Variants in EIF2B3 observed in about 807,000 individuals in gnomAD.
EIF2B3 encodes eukaryotic translation initiation factor 2B subunit gamma.
Under a neutral mutation model 54.1 loss-of-function variants are expected in EIF2B3, and 20 were observed. That is an observed-to-expected ratio of 0.37 (90% CI 0.26 to 0.54). The LOEUF is 0.54. EIF2B3 is among the 20% of genes least tolerant of loss of function. The pLI is 0.86. For synonymous variants in EIF2B3, 153 were observed against 188.1 expected (o/e 0.81, Z 1.52); for missense variants, 448 against 547.8 (o/e 0.82, Z 1.82).
chr1:44,880,057 GA>G, intron 7 of EIF2B3, 49 bp from the exon 8 acceptor site: 1 of 1,585,304 alleles, frequency 6.3e-7, no homozygotes, highest in African/African-American at 1.3e-5. Context: ...AGAGATAACA[GA>G]ACAGATACAG....
At chr1:44,911,528 C>A (rs1380818167) in intron 5 of EIF2B3, among the ~76,000 whole-genome samples, 1 of 152,196 alleles carries the variant, frequency 6.6e-6, no homozygotes, top group Non-Finnish European at 1.5e-5. Flanking sequence ...CATGCCCAAG[C>A]CTTGCTCTCA....
chr1:44,930,340 T>G (rs887922814), intron 4 of EIF2B3, among the ~76,000 whole-genome samples: 23 of 152,216 alleles, frequency 1.5e-4, no homozygotes, highest in Non-Finnish European at 2.2e-4. Flanking sequence ...CAAAATAGTA[T>G]GTCGAGTAGA....
At chr1:44,938,744 C>G (rs1465672699) in intron 4 of EIF2B3, among the ~76,000 whole-genome samples, 2 of 152,052 alleles carry the variant, frequency 1.3e-5, no homozygotes, top group Non-Finnish European at 2.9e-5. Flanking sequence ...GCCTCAGCTT[C>G]CCAAAGTGCT....
Position 44,930,061 on chromosome 1 carries a change from G to A in EIF2B3, c.455-3322C>T, listed in dbSNP as rs116550900. 3.7e-3 allele frequency among the ~76,000 whole-genome samples: 567 copies of A among 152,168 alleles called. 3 individuals carry two copies. The highest frequency in any genetic ancestry group is 0.013 in the African/African-American group (526 of 41,520). On this transcript the variant is annotated intron_variant, in intron 4 of 11. Coordinates refer to ENST00000360403, the MANE Select transcript of EIF2B3 (RefSeq NM_020365.5). ...TGAACTTCTATTAAAAAAAAAGTCC[G>A]TCATATTCAAGTATTCACGTTTTTT...
chr1:44,959,226 T>C, intron 3 of EIF2B3: 1 of 697,826 alleles, frequency 1.4e-6, no homozygotes, highest in Non-Finnish European at 2.6e-6. Flanking sequence ...TACACCTGTT[T>C]AAATCAGGGT....
At chr1:44,965,564 A>G (rs1312362558) in intron 3 of EIF2B3, among the ~76,000 whole-genome samples, 1 of 152,000 alleles carries the variant, frequency 6.6e-6, no homozygotes. Context: ...AATTAGTACT[A>G]AAGTACTAAT....
chr1:44,902,431 C>T (rs1416073130), intron 5 of EIF2B3, among the ~76,000 whole-genome samples: 73 of 151,990 alleles, frequency 4.8e-4, no homozygotes, highest in Admixed American at 4.7e-3. Context: ...GAAGTCGAGG[C>T]TGCAGTGAGC....
intron 5 of EIF2B3, among the ~76,000 whole-genome samples, chr1:44,919,307 G>A (rs781065580): frequency 1.3e-5 from 2 of 151,360 alleles, no homozygotes; most frequent in Admixed American, 6.6e-5. Context: ...CTGAGATCAC[G>A]GCACTGCACT....
rs1361959750 is a variant in EIF2B3 at position 44,950,953 on chromosome 1, TG to T, written c.295-9289del. ...ATCCACCCACCTTGGCCTCCCGAAGTGTTGGGATTACAGGCGTAAGCCACTG... is the reference window on the plus strand; with the variant it reads ...ATCCACCCACCTTGGCCTCCCGAAGTTTGGGATTACAGGCGTAAGCCACTG... On this transcript the variant is annotated intron_variant, in intron 3 of 11. Transcript: ENST00000360403. Among the ~76,000 whole-genome samples, 5 of 152,316 alleles carry T rather than the reference TG, an allele frequency of 3.3e-5. No individual in the cohort carries two copies. The Middle Eastern group carries it at 0.01, about 311-fold the overall frequency.
At chr1:44,922,594 A>G (rs1239234521) in intron 5 of EIF2B3, among the ~76,000 whole-genome samples, 1 of 150,024 alleles carries the variant, frequency 6.7e-6, no homozygotes, top group Non-Finnish European at 1.5e-5. Flanking sequence ...CTCAAGACAA[A>G]AAAAAAAAAA....
At chr1:44,977,468 C>CTT (rs202094716) in intron 3 of EIF2B3, among the ~76,000 whole-genome samples, 216 of 145,478 alleles carry the variant, frequency 1.5e-3, no homozygotes, top group African/African-American at 4.4e-3. Context: ...TAGAGTATAT[C>CTT]TTTTTTTTTT....
At chr1:44,930,448 A>G (rs953255686) in intron 4 of EIF2B3, among the ~76,000 whole-genome samples, 4 of 152,340 alleles carry the variant, frequency 2.6e-5, no homozygotes, top group Admixed American at 2.6e-4. Context: ...CTAGCTTTGA[A>G]CTAACAGAGC....
In EIF2B3 at chr1:44,978,474, G is replaced by T; in HGVS notation, c.149-14C>A. The T allele has an allele frequency of 1.2e-6, 2 of 1,607,764 alleles. No homozygotes were observed. The highest frequency in any genetic ancestry group is 1.7e-6 in the Non-Finnish European group (2 of 1,178,966). ...CCACAATGACTTCTATAGGACAAAA[G>T]AAAAAAAGAAAGAAAAACAAAAACT... On this transcript the variant is annotated splice_polypyrimidine_tract_variant and intron_variant, in intron 2 of 11. Transcript: ENST00000360403.
In EIF2B3 at chr1:44,888,626, AATTT is replaced by A. The variant is rs374848416; in HGVS notation, c.657-6891_657-6888del. On this transcript the variant is annotated intron_variant, in intron 6 of 11. Transcript: ENST00000360403. ...CGAATCTAATGTATTTTGTGCTATG[AATTT>A]GTCTGTGTTGTTCTGTCATAAAGAA... is the stretch of plus-strand genomic sequence containing the variant. 4.7e-3 allele frequency among the ~76,000 whole-genome samples: 711 copies of A among 152,302 alleles called. 1 individual carries two copies. Among genetic ancestry groups the A allele is most frequent in the East Asian group, 7.3e-3 (38 of 5,192 alleles).
At chr1:44,871,250 A>G (rs938577224) in intron 10 of EIF2B3, among the ~76,000 whole-genome samples, 1 of 151,998 alleles carries the variant, frequency 6.6e-6, no homozygotes, top group African/African-American at 2.4e-5. Context: ...TAATCACCTT[A>G]TTGTCTGTCT....
intron 2 of EIF2B3, among the ~76,000 whole-genome samples, chr1:44,979,496 A>AAG (rs1644490444): frequency 7.1e-6 from 1 of 141,296 alleles, no homozygotes; most frequent in Non-Finnish European, 1.5e-5. Flanking sequence ...AAAAAAAAAA[A>AAG]GGAGGAAAGA....
At chr1:44,925,944 A>C (rs938428910) in intron 5 of EIF2B3, among the ~76,000 whole-genome samples, 1 of 150,640 alleles carries the variant, frequency 6.6e-6, no homozygotes, top group Non-Finnish European at 1.5e-5. Flanking sequence ...GGCCACTTAG[A>C]ATGGGCCGCA....
intron 5 of EIF2B3, among the ~76,000 whole-genome samples, chr1:44,917,867 G>A (rs1268738583): frequency 4.4e-5 from 6 of 137,780 alleles, no homozygotes; most frequent in Admixed American, 1.6e-4. Context: ...TCCGCCTCCC[G>A]GGTTCACACC....
At chr1:44,967,810 C>T (rs772193694) in intron 3 of EIF2B3, among the ~76,000 whole-genome samples, 21 of 149,734 alleles carry the variant, frequency 1.4e-4, no homozygotes, top group Non-Finnish European at 2.5e-4. Context: ...GAGGCCGAGG[C>T]GAGCAAATCA....
Sources: allele counts gnomAD v4.1 joint callset (sites outside exome capture counted in the v4.1 genomes callset), GRCh38; gene constraint gnomAD v4.1.1; transcripts MANE v1.5; gene names NCBI Gene and HGNC (gene_info 2026-07-23, HGNC 2026-07-21).